The following PPFIA2 variants were observed in gnomAD, a reference collection of about 807,000 sequenced individuals.
PPFIA2 encodes liprin-alpha-2.
In PPFIA2, 46 loss-of-function variants were observed where a neutral mutation model predicts 175.5. That is an observed-to-expected ratio of 0.26 (90% CI 0.21 to 0.34). PPFIA2 has a LOEUF of 0.34. Ranked by LOEUF, PPFIA2 falls within the 10% of genes least tolerant of loss-of-function variation. The pLI is 1.00. For missense variants in PPFIA2, 1,179 were observed against 1,506.1 expected (o/e 0.78, Z 3.60); for synonymous variants, 568 against 511.4 (o/e 1.11, Z -1.49).
At chr12:81,603,877 T>C (rs2060034461) in intron 4 of PPFIA2, among the ~76,000 whole-genome samples, 2 of 151,480 alleles carry the variant, frequency 1.3e-5, no homozygotes, top group South Asian at 4.2e-4. Flanking sequence ...CCCTTACTGT[T>C]TTCCTTTCTC....
chr12:81,331,074 G>A (rs1259440624), intron 21 of PPFIA2, among the ~76,000 whole-genome samples: 2 of 152,180 alleles, frequency 1.3e-5, no homozygotes, highest in African/African-American at 4.8e-5. Context: ...CGTAAAGGCC[G>A]ACACAGACAC....
chr12:81,533,733 ATC>A (rs1491011285), intron 4 of PPFIA2, among the ~76,000 whole-genome samples: 21 of 68,522 alleles, frequency 3.1e-4, no homozygotes, highest in Admixed American at 1.6e-3. Context: ...CTATCTATCT[ATC>A]TATATATCTA....
chr12:81,408,531 G>C (rs1284294615), intron 7 of PPFIA2, among the ~76,000 whole-genome samples: 1 of 152,034 alleles, frequency 6.6e-6, no homozygotes, highest in Non-Finnish European at 1.5e-5. Flanking sequence ...AATATGTCCT[G>C]GTGCCTGAAA....
chr12:81,463,351 G>GCTA (rs1436506394), intron 4 of PPFIA2, among the ~76,000 whole-genome samples: 1 of 152,050 alleles, frequency 6.6e-6, no homozygotes, highest in Non-Finnish European at 1.5e-5. Context: ...TGTAGAAAGA[G>GCTA]CTAAGTGTGT....
chr12:81,459,659 A>G (rs1461514180), intron 4 of PPFIA2, among the ~76,000 whole-genome samples: 1 of 152,168 alleles, frequency 6.6e-6, no homozygotes, highest in Non-Finnish European at 1.5e-5. Flanking sequence ...GAAACAATCA[A>G]GTTTTTAAAG....
At chr12:81,535,706 G>A (rs1162888505) in intron 4 of PPFIA2, among the ~76,000 whole-genome samples, 1 of 151,470 alleles carries the variant, frequency 6.6e-6, no homozygotes, top group African/African-American at 2.4e-5. Context: ...TCTCTTTTAT[G>A]ACACGTGTTA....
chr12:81,553,522 T>TA (rs1435421247), intron 4 of PPFIA2, among the ~76,000 whole-genome samples: 1 of 152,090 alleles, frequency 6.6e-6, no homozygotes, highest in East Asian at 1.9e-4. Context: ...GACACAAGCA[T>TA]AGCACTTCAA....
intron 4 of PPFIA2, among the ~76,000 whole-genome samples, chr12:81,516,865 T>C (rs1274220486): frequency 6.6e-6 from 1 of 152,168 alleles, no homozygotes; most frequent in Non-Finnish European, 1.5e-5. Context: ...GTTAACTTTT[T>C]TGGAAGGTTA....
chr12:81,259,888 G>A, intron 32 of PPFIA2: 1 of 385,462 alleles, frequency 2.6e-6, no homozygotes. Flanking sequence ...TCAACTTTGT[G>A]GAAAGTATGG....
At chr12:81,450,175 A>G (rs1344261916) in intron 5 of PPFIA2, among the ~76,000 whole-genome samples, 1 of 152,218 alleles carries the variant, frequency 6.6e-6, no homozygotes, top group Non-Finnish European at 1.5e-5. Flanking sequence ...TGGCTGGGTC[A>G]AATGGTATTT....
At chr12:81,408,643 A>G (rs2043347977) in intron 7 of PPFIA2, among the ~76,000 whole-genome samples, 1 of 152,184 alleles carries the variant, frequency 6.6e-6, no homozygotes, top group African/African-American at 2.4e-5. Context: ...TTCAGAAAAA[A>G]GTACAAATAT....
chr12:81,454,786 T>A (rs2145690654), intron 5 of PPFIA2, among the ~76,000 whole-genome samples: 1 of 152,272 alleles, frequency 6.6e-6, no homozygotes, highest in South Asian at 2.1e-4. Context: ...CACAAGTTGA[T>A]CAGAACTTTG....
intron 8 of PPFIA2, among the ~76,000 whole-genome samples, chr12:81,399,885 T>C (rs961875087): frequency 6.6e-6 from 1 of 152,166 alleles, no homozygotes; most frequent in African/African-American, 2.4e-5. Flanking sequence ...AGCCCAATTA[T>C]ATTTTTGAGA....
intron 3 of PPFIA2, among the ~76,000 whole-genome samples, chr12:81,721,467 A>ACT (rs1451964442): frequency 1.3e-5 from 2 of 151,316 alleles, no homozygotes; most frequent in Non-Finnish European, 3.0e-5. Context: ...ACACACACAC[A>ACT]CACAAACATA....
intron 4 of PPFIA2, among the ~76,000 whole-genome samples, chr12:81,608,697 A>G (rs1486925392): frequency 1.3e-5 from 2 of 151,836 alleles, no homozygotes; most frequent in African/African-American, 4.8e-5. Flanking sequence ...TTCTTTGCTA[A>G]TATAGCTAGT....
At chr12:81,676,685 A>G in intron 4 of PPFIA2, 106 bp downstream of exon 4, 1 of 707,586 alleles carries the variant, frequency 1.4e-6, no homozygotes, top group East Asian at 3.4e-5. Context: ...TGTATTTATA[A>G]AAAGTACCTG....
intron 4 of PPFIA2, among the ~76,000 whole-genome samples, chr12:81,501,045 G>C (rs1390266398): frequency 6.6e-6 from 1 of 152,164 alleles, no homozygotes; most frequent in East Asian, 1.9e-4. Context: ...CAGCCCTACT[G>C]TTAGCACTCT....
intron 8 of PPFIA2, among the ~76,000 whole-genome samples, chr12:81,398,615 T>A (rs2041580969): frequency 1.3e-5 from 2 of 152,064 alleles, no homozygotes; most frequent in African/African-American, 2.4e-5. Flanking sequence ...ACAACTCACA[T>A]AAAGGACTTT....
At chr12:81,264,166 AC>A (rs2036508983) in intron 30 of PPFIA2, among the ~76,000 whole-genome samples, 1 of 152,156 alleles carries the variant, frequency 6.6e-6, no homozygotes. Context: ...GCAACATCAT[AC>A]CCCACATAGG....
Sources: gnomAD v4.1 joint callset for allele counts (sites outside exome capture counted in the v4.1 genomes callset) on GRCh38, gnomAD v4.1.1 for gene constraint, MANE v1.5 for transcripts, NCBI Gene and HGNC (gene_info 2026-07-23, HGNC 2026-07-21) for gene names.